FARSA: variants seen among roughly 807,000 people sequenced by gnomAD.
FARSA encodes the protein phenylalanyl-tRNA synthetase subunit alpha.
FARSA carries 37 observed loss-of-function variants against 63.2 expected under a neutral mutation model. The ratio of observed to expected loss-of-function variants is 0.59; its 90% CI spans 0.45 to 0.77. The LOEUF (loss-of-function observed/expected upper bound fraction) is 0.77, where lower values mean the gene tolerates loss of function less well. FARSA is among the 30% of genes least tolerant of loss of function. The pLI is 0.00. For synonymous variants in FARSA, 312 were observed against 285.1 expected, an observed-to-expected ratio of 1.09 and a Z score of -0.95; for missense variants, 618 against 696.6, an observed-to-expected ratio of 0.89 and a Z score of 1.27.
In FARSA at chr19:12,922,844, C is replaced by G. The variant is rs774968212; in HGVS notation, c.1431G>C (p.Leu477=). 2.5e-6 allele frequency: 4 copies of G among 1,614,116 alleles called. No homozygotes were observed. The East Asian group carries it at 8.9e-5, about 36-fold the overall frequency. The change falls in exon 13 of 13, where the codon CTG becomes CTC. Residue 477 remains leucine (L), a synonymous_variant. Transcript: ENST00000314606. ...IKYGINNIRE[L]VGHKVNLQMV... ...TCTGCAGGTTCACCTTGTGGCCCAC[C>G]AGCTCCCGGATATTGTTGATGCCAT...
intron 1 of FARSA, among the ~76,000 whole-genome samples, chr19:12,931,337 C>T (rs1466718134): frequency 1.3e-5 from 2 of 151,886 alleles, no homozygotes; most frequent in Non-Finnish European, 2.9e-5. Flanking sequence ...GATCTCGGTT[C>T]ACTGCAACCT....
In FARSA at chr19:12,924,192, G is replaced by C. The variant is rs1045913; in HGVS notation, c.1347C>G (p.Pro449=). The change falls in exon 12 of 13, where the codon CCC becomes CCG. Residue 449 remains proline (P), a synonymous_variant. Coordinates refer to ENST00000314606, the MANE Select transcript of FARSA (RefSeq NM_004461.3). The surrounding 1 kb of genome is among the most constrained non-coding windows in gnomAD (Gnocchi z 6.4). ...RPEMLLPMGL[P]ENVSVIAWGL... is the part of the protein sequence containing the mutation. ...CCCAGGCAATGACCGACACGTTCTCGGGAAGCCCCATGGGCAGCAGCATCT... is the reference window on the plus strand; with the variant it reads ...CCCAGGCAATGACCGACACGTTCTCCGGAAGCCCCATGGGCAGCAGCATCT... 1.2e-6 allele frequency: 2 copies of C among 1,614,062 alleles called. No individual in the cohort carries two copies. Among genetic ancestry groups the C allele is most frequent in the Non-Finnish European group, 1.7e-6 (2 of 1,180,004 alleles).
Position 12,930,157 on chromosome 19 carries a change from C to T in FARSA, c.503+66G>A, listed in dbSNP as rs1186770385. ...CTTGGTGTGGGCAAGATGTCTCCCTCCCACCATGCCTCCACCATGCTTCGC... is the reference window on the plus strand; with the variant it reads ...CTTGGTGTGGGCAAGATGTCTCCCTTCCACCATGCCTCCACCATGCTTCGC... On this transcript the variant is annotated intron_variant, in intron 4 of 12. Coordinates refer to ENST00000314606, the MANE Select transcript of FARSA (RefSeq NM_004461.3). 6 of 1,285,888 alleles carry T rather than the reference C, an allele frequency of 4.7e-6. No homozygotes were observed. The African/African-American group carries it at 7.3e-5, about 16-fold the overall frequency. The allele number at this position is 1,285,888 out of a possible 1,614,324, so 79.7% of individuals were successfully genotyped here.
At chr19:12,925,030 T>G (rs537279165) in intron 8 of FARSA, 27 bp from the exon 9 acceptor site, 2 of 1,612,984 alleles carry the variant, frequency 1.2e-6, no homozygotes, top group Non-Finnish European at 1.7e-6. Context: ...GGGAAGTCCA[T>G]GCAATGGCCC....
At chr19:12,928,289 C>T (rs529461262) in intron 7 of FARSA, 53 bp downstream of exon 7, 32 of 1,438,130 alleles carry the variant, frequency 2.2e-5, no homozygotes, top group African/African-American at 2.0e-4. Flanking sequence ...GTAAAGGCTC[C>T]GCCGTGGCCT....
intron 1 of FARSA, chr19:12,933,132 A>T (rs1971414252): frequency 5.2e-6 from 1 of 190,946 alleles, no homozygotes. Flanking sequence ...CTAAAGTGCT[A>T]TCACTTTCCT....
chr19:12,922,536 C>A lies in FARSA; in HGVS notation c.*212G>T. The A allele has an allele frequency of 1.6e-6, 1 of 615,686 alleles. No individual in the cohort carries two copies. The highest frequency in any genetic ancestry group is 2.1e-5 in the South Asian group (1 of 48,698). 38.1% of individuals were successfully genotyped at this position (615,686 alleles called of 1,614,324 possible). On this transcript the variant is annotated 3_prime_UTR_variant, in exon 13 of 13. Transcript: ENST00000314606. The stretch of plus-strand genomic sequence containing the variant: ...GTGGCCCACAGGTCTCCTCAGGGCC[C>A]ACCCTCACAGTAGACACACCACACA...
In FARSA at chr19:12,924,877, TG is replaced by T. The variant is rs1412485333; in HGVS notation, c.1026+26del. Reference sequence around the variant, plus strand: ...CCCTTTGACAGCACCCTCTCCCCACTGGGGCCCCCGCCTGGGCCAACCGCAC... The same window carrying T: ...CCCTTTGACAGCACCCTCTCCCCACTGGGCCCCCGCCTGGGCCAACCGCAC... On this transcript the variant is annotated intron_variant, in intron 9 of 12. Coordinates refer to ENST00000314606, the MANE Select transcript of FARSA (RefSeq NM_004461.3). The surrounding 1 kb of genome is among the most constrained non-coding windows in gnomAD (Gnocchi z 6.4). 5 of 1,613,884 alleles carry T rather than the reference TG, an allele frequency of 3.1e-6. No individual in the cohort carries two copies. The African/African-American group carries it at 6.7e-5, about 22-fold the overall frequency.
In FARSA at chr19:12,924,705, C is replaced by G; in HGVS notation, c.1129G>C (p.Val377Leu). The G allele has an allele frequency of 1.3e-6, 2 of 1,595,108 alleles. No homozygotes were observed. The highest frequency in any genetic ancestry group is 2.7e-5 in the African/African-American group (2 of 74,818). ...CCCAAGGTGAGACCATGATCCGCCA[C>G]CACGCCCTCGATCTGGTGGAACTCA... The part of the protein sequence containing the change: ...LAEFHQIEGV[V>L]ADHGLTLGHL... The change falls in exon 10 of 13, where the codon GTG (valine) becomes CTG (leucine). Residue 377 changes from valine to leucine, a missense_variant. Transcript: ENST00000314606. This position sits in a 1 kb window ranked among gnomAD's most constrained non-coding sequence, Gnocchi z 6.4.
rs1335847273 is a variant in FARSA, at chr19:12,924,375, C to A, written c.1273+74G>T. Reference sequence around the variant, plus strand: ...CTTGGGAGGTGGGGTACAGGCATGGCAATGGGGGGACCCAGGCCAAACCAT... The same window carrying A: ...CTTGGGAGGTGGGGTACAGGCATGGAAATGGGGGGACCCAGGCCAAACCAT... On this transcript the variant is annotated intron_variant, in intron 11 of 12. Coordinates refer to ENST00000314606, the MANE Select transcript of FARSA (RefSeq NM_004461.3). This position sits in a 1 kb window ranked among gnomAD's most constrained non-coding sequence, Gnocchi z 6.4. 2 of 1,555,656 alleles carry A rather than the reference C, an allele frequency of 1.3e-6. No individual in the cohort carries two copies. Among genetic ancestry groups the A allele is most frequent in the Admixed American group, 1.7e-5 (1 of 59,878 alleles).
intron 7 of FARSA, 55 bp from the exon 8 acceptor site, chr19:12,925,229 T>C: frequency 2.8e-6 from 4 of 1,454,260 alleles, no homozygotes; most frequent in African/African-American, 1.4e-5. Context: ...CACCCCTTTT[T>C]TTTTTTCAGA....
chr19:12,925,311 G>A (rs1971314639), intron 7 of FARSA, 137 bp from the exon 8 acceptor site: 2 of 673,358 alleles, frequency 3.0e-6, no homozygotes, highest in Non-Finnish European at 5.1e-6. Context: ...TGCCTCCCAG[G>A]TTCAAGTGAT....
chr19:12,922,779 G>A lies in FARSA; in HGVS notation c.1496C>T (p.Pro499Leu), dbSNP rs540075798. Residue 499 changes from proline to leucine, a missense_variant, in exon 13 of 13, where the codon CCG (proline) becomes CTG (leucine). Transcript: ENST00000314606. ...AGCCTCCTGTGTGGGAGGGGGCCTC[G>A]GCTCGGCATCCAGGCGGCACAGGGG... ...DSPLCRLDAE[P>L]RPPPTQEAA 1.4e-5 allele frequency: 23 copies of A among 1,614,038 alleles called. No homozygotes were observed. Among genetic ancestry groups the A allele is most frequent in the South Asian group, 1.1e-4 (10 of 91,078 alleles).
chr19:12,931,460 C>T (rs549973131), intron 1 of FARSA, among the ~76,000 whole-genome samples: 3 of 152,354 alleles, frequency 2.0e-5, no homozygotes, highest in East Asian at 1.9e-4. Flanking sequence ...GATGGGGTTT[C>T]ACCATGTTGG....
intron 7 of FARSA, among the ~76,000 whole-genome samples, chr19:12,927,360 G>A (rs1971338157): frequency 6.6e-6 from 1 of 152,204 alleles, no homozygotes. Flanking sequence ...AGCACTTTGG[G>A]AGGCTGAGGC....
At chr19:12,931,270 CTT>C (rs946693869) in intron 1 of FARSA, among the ~76,000 whole-genome samples, 36 of 147,872 alleles carry the variant, frequency 2.4e-4, no homozygotes, top group Non-Finnish European at 3.9e-4. Context: ...TTTTAAATTA[CTT>C]TTTTTTTTTG....
rs1370535147 is a variant in FARSA at position 12,930,542 on chromosome 19, C to A, written c.286-15G>T. The A allele has an allele frequency of 6.2e-7, 1 of 1,611,874 alleles. No individual in the cohort carries two copies. The highest frequency in any genetic ancestry group is 8.5e-7 in the Non-Finnish European group (1 of 1,178,762). On this transcript the variant is annotated splice_polypyrimidine_tract_variant and intron_variant, in intron 2 of 12. Transcript: ENST00000314606. Reference sequence around the variant, plus strand: ...CTGGGCAGTCGCTGGAAAAGAGAGGCTGCAGTGAGTGGGGCACGAGGGCCA... The same window carrying A: ...CTGGGCAGTCGCTGGAAAAGAGAGGATGCAGTGAGTGGGGCACGAGGGCCA...
intron 1 of FARSA, among the ~76,000 whole-genome samples, chr19:12,931,256 T>C (rs1234289703): frequency 6.6e-6 from 1 of 152,148 alleles, no homozygotes; most frequent in Non-Finnish European, 1.5e-5. Context: ...CACACCTGGT[T>C]AATTTTTAAA....
At chr19:12,928,300 G>A (rs551203748) in intron 7 of FARSA, 42 bp downstream of exon 7, 1 of 1,525,390 alleles carries the variant, frequency 6.6e-7, no homozygotes, top group South Asian at 1.1e-5. Flanking sequence ...GCCGTGGCCT[G>A]GTGTCTCTCA....
Sources: gnomAD v4.1 joint callset for allele counts (sites outside exome capture counted in the v4.1 genomes callset) on GRCh38, gnomAD v4.1.1 for gene constraint, Gnocchi (gnomAD v3.1) non-coding constraint, MANE v1.5 for transcripts, NCBI Gene and HGNC (gene_info 2026-07-23, HGNC 2026-07-21) for gene names.